The following HDGFL3 variants were observed in gnomAD, a reference collection of about 807,000 sequenced individuals.
HDGFL3 encodes hepatoma-derived growth factor-related protein 3.
HDGFL3 carries 6 observed loss-of-function variants against 27.6 expected under a neutral mutation model. That is an observed-to-expected ratio of 0.22 (90% CI 0.12 to 0.43). The LOEUF is 0.43. Ranked by LOEUF, HDGFL3 falls within the 20% of genes least tolerant of loss-of-function variation. The pLI is 1.00. For synonymous variants in HDGFL3, 88 were observed against 88.9 expected, an observed-to-expected ratio of 0.99 and a Z score of 0.05; for missense variants, 207 against 250.1, an observed-to-expected ratio of 0.83 and a Z score of 1.16.
At chr15:83,180,358 G>A (rs1048223641) in intron 1 of HDGFL3, among the ~76,000 whole-genome samples, 2 of 152,106 alleles carry the variant, frequency 1.3e-5, no homozygotes, top group Non-Finnish European at 2.9e-5. Context: ...GCATGCCAAT[G>A]AGAAGAATTT....
chr15:83,113,149 C>T lies in HDGFL3; in HGVS notation c.*2560G>A, dbSNP rs531187867. The T allele has an allele frequency of 2.0e-5, 11 of 553,814 alleles. No individual in the cohort carries two copies. The East Asian group carries it at 3.1e-4, about 15-fold the overall frequency. The allele number at this position is 553,814 out of a possible 1,614,324, so 34.3% of individuals were successfully genotyped here. On this transcript the variant is annotated 3_prime_UTR_variant, in exon 4 of 4. Transcript: ENST00000568294. ...CAGGCCAGGCAGGGCACCCTGCCAA[C>T]CCCAGCATGCTTTGACCTCTGACCT...
chr15:83,202,920 T>C (rs1055214209), intron 1 of HDGFL3, among the ~76,000 whole-genome samples: 1 of 152,148 alleles, frequency 6.6e-6, no homozygotes, highest in Non-Finnish European at 1.5e-5. Flanking sequence ...GATGGACATT[T>C]GGGTTGTTTC....
intron 1 of HDGFL3, among the ~76,000 whole-genome samples, chr15:83,166,238 C>G (rs1422076385): frequency 6.6e-6 from 1 of 152,168 alleles, no homozygotes; most frequent in Non-Finnish European, 1.5e-5. Flanking sequence ...GGAATCCCAG[C>G]AGGCTAACAG....
chr15:83,118,679 T>C (rs2034926650), intron 3 of HDGFL3, among the ~76,000 whole-genome samples: 2 of 152,174 alleles, frequency 1.3e-5, no homozygotes, highest in African/African-American at 2.4e-5. Flanking sequence ...TGATCTGCAC[T>C]CTTCCTTGTT....
intron 1 of HDGFL3, among the ~76,000 whole-genome samples, chr15:83,198,611 G>C (rs1431941100): frequency 6.6e-6 from 1 of 152,158 alleles, no homozygotes; most frequent in Non-Finnish European, 1.5e-5. Context: ...CTGCAGGCTG[G>C]AAAGTATAAG....
chr15:83,124,147 T>C (rs2035516638), downstream of HDGFL3, among the ~76,000 whole-genome samples: 1 of 152,218 alleles, frequency 6.6e-6, no homozygotes, highest in Non-Finnish European at 1.5e-5. Context: ...AGAAAATTTT[T>C]AAACATGTGG....
At chr15:83,180,903 C>G (rs1231040301) in intron 1 of HDGFL3, 1 of 152,034 alleles carries the variant, frequency 6.6e-6, no homozygotes, top group East Asian at 1.9e-4. Flanking sequence ...TCCGAGAGTG[C>G]TGGGATTACA....
chr15:83,157,455 T>A lies in HDGFL3; in HGVS notation c.419A>T (p.Glu140Val), dbSNP rs1314567198. 1 of 1,613,786 alleles carries A rather than the reference T, an allele frequency of 6.2e-7. No individual in the cohort carries two copies. Among genetic ancestry groups the A allele is most frequent in the Admixed American group, 1.7e-5 (1 of 60,028 alleles). Reference sequence around the variant, plus strand: ...CTTTTTCCGTTTTGAGCCTGCTTTTTCATTCTTTCTTTTGCCTTTTCCATC... The same window carrying A: ...CTTTTTCCGTTTTGAGCCTGCTTTTACATTCTTTCTTTTGCCTTTTCCATC... ...EEDGKGKRKN[E>V]KAGSKRKKSY... The change falls in exon 4 of 6, where the codon GAA (glutamate) becomes GTA (valine). Residue 140 changes from glutamate (E) to valine (V), a missense_variant. Transcript: ENST00000299633.
intron 1 of HDGFL3, among the ~76,000 whole-genome samples, chr15:83,202,757 CAG>C (rs1329341118): frequency 1.3e-5 from 2 of 152,116 alleles, no homozygotes; most frequent in Non-Finnish European, 2.9e-5. Flanking sequence ...CAGATCAAGA[CAG>C]GGAACATTTC....
chr15:83,149,602 G>A (rs773986486), intron 5 of HDGFL3, among the ~76,000 whole-genome samples: 11 of 152,106 alleles, frequency 7.2e-5, no homozygotes, highest in Non-Finnish European at 1.0e-4. Context: ...ACGTTGGATC[G>A]GGCAAGGAGA....
At position 83,158,126 on chromosome 15, in the gene HDGFL3, G is replaced by C. The variant is rs1383896500; in HGVS notation, c.162-85C>G. 18 of 1,172,588 alleles carry C rather than the reference G, an allele frequency of 1.5e-5. No homozygotes were observed. The Admixed American group carries it at 1.7e-4, about 11-fold the overall frequency. 72.6% of individuals were successfully genotyped at this position (1,172,588 alleles called of 1,614,324 possible). ...AATATCAGTATCAGTGAAGATGTCA[G>C]AGCATACTATAGCAAACAAATCTAA... On this transcript the variant is annotated intron_variant, in intron 2 of 5. Coordinates refer to ENST00000299633, the MANE Select transcript of HDGFL3 (RefSeq NM_016073.4).
At chr15:83,142,559 G>A (rs562500256) in intron 5 of HDGFL3, among the ~76,000 whole-genome samples, 5 of 152,198 alleles carry the variant, frequency 3.3e-5, no homozygotes, top group African/African-American at 1.2e-4. Context: ...ATCAGAAAAA[G>A]TAACTATTGG....
At chr15:83,119,939 A>C in intron 3 of HDGFL3, 1 of 388,372 alleles carries the variant, frequency 2.6e-6, no homozygotes, top group South Asian at 5.6e-5. Context: ...TTACAAGAAT[A>C]ATTTTTATTT....
chr15:83,115,787 C>A, intron 3 of HDGFL3: 1 of 1,125,892 alleles, frequency 8.9e-7, no homozygotes, highest in Non-Finnish European at 1.4e-6. Context: ...TGATGCCAAG[C>A]TTGTAGTAAT....
At chr15:83,164,130 G>A in intron 1 of HDGFL3, 55 bp from the exon 2 acceptor site, 2 of 1,020,448 alleles carry the variant, frequency 2.0e-6, no homozygotes, top group Non-Finnish European at 2.9e-6. Context: ...TACAATGTGA[G>A]CATTGTTCTG....
downstream of HDGFL3, chr15:83,127,365 CAT>C: frequency 6.2e-7 from 1 of 1,612,344 alleles, no homozygotes; most frequent in Non-Finnish European, 8.5e-7. Context: ...CAGATGCTGG[CAT>C]ATATGTTCTA....
At chr15:83,152,694 A>C (rs566843847) in intron 4 of HDGFL3, among the ~76,000 whole-genome samples, 6 of 151,708 alleles carry the variant, frequency 4.0e-5, no homozygotes, top group African/African-American at 4.8e-5. Flanking sequence ...AAAAAAAAAA[A>C]AAAAACAAAA....
chr15:83,188,654 C>T (rs532960431), intron 1 of HDGFL3, among the ~76,000 whole-genome samples: 31 of 152,254 alleles, frequency 2.0e-4, no homozygotes, highest in African/African-American at 7.5e-4. Flanking sequence ...ATGCCATAGT[C>T]TCGTAATATA....
intron 1 of HDGFL3, among the ~76,000 whole-genome samples, chr15:83,166,691 C>T (rs1653392957): frequency 6.6e-6 from 1 of 152,024 alleles, no homozygotes; most frequent in East Asian, 1.9e-4. Flanking sequence ...CTTCAGGGGA[C>T]CTCAGGAAAC....
Sources: gnomAD v4.1 joint callset for allele counts (sites outside exome capture counted in the v4.1 genomes callset) on GRCh38, gnomAD v4.1.1 for gene constraint, MANE v1.5 for transcripts, NCBI Gene and HGNC (gene_info 2026-07-23, HGNC 2026-07-21) for gene names.